GTF2I: variants seen among roughly 807,000 people sequenced by gnomAD.
GTF2I encodes general transcription factor II-I.
Under a neutral mutation model 67.6 loss-of-function variants are expected in GTF2I, and 12 were observed. That is an observed-to-expected ratio of 0.18 (90% CI 0.11 to 0.29). The LOEUF (loss-of-function observed/expected upper bound fraction) is 0.29. Ranked by LOEUF, GTF2I falls within the 10% of genes least tolerant of loss-of-function variation. The pLI is 1.00. For missense variants in GTF2I, 271 were observed against 580.1 expected (o/e 0.47, Z 5.47); for synonymous variants, 149 against 197.0 (o/e 0.76, Z 2.04).
intron 1 of GTF2I, among the ~76,000 whole-genome samples, chr7:74,670,295 T>G (rs1256993392): frequency 6.6e-6 from 1 of 152,182 alleles, no homozygotes; most frequent in Non-Finnish European, 1.5e-5. Context: ...CAGGGTCACC[T>G]GTAAGATTTG....
At chr7:74,735,682 TTC>T (rs1794811651) in intron 17 of GTF2I, 150 bp downstream of exon 17, 1 of 488,508 alleles carries the variant, frequency 2.0e-6, no homozygotes, top group Non-Finnish European at 3.7e-6. Flanking sequence ...TTTTTTTTTT[TTC>T]TTGAGAAGGA....
chr7:74,722,337 T>C (rs1793129173), intron 12 of GTF2I, among the ~76,000 whole-genome samples: 1 of 152,194 alleles, frequency 6.6e-6, no homozygotes, highest in Non-Finnish European at 1.5e-5. Context: ...TAGGACCGCA[T>C]GCCTCAGTTT....
At chr7:74,713,763 G>T (rs1413666799) in intron 9 of GTF2I, among the ~76,000 whole-genome samples, 1 of 152,078 alleles carries the variant, frequency 6.6e-6, no homozygotes, top group African/African-American at 2.4e-5. Context: ...CTTCACTAAG[G>T]TTGCATTTTT....
At chr7:74,707,530 A>C (rs1790901004) in intron 8 of GTF2I, among the ~76,000 whole-genome samples, 1 of 152,224 alleles carries the variant, frequency 6.6e-6, no homozygotes. Flanking sequence ...CATGTGAATG[A>C]GAGCTTTTAT....
intron 3 of GTF2I, among the ~76,000 whole-genome samples, chr7:74,698,318 T>C (rs896010183): frequency 2.0e-5 from 3 of 151,386 alleles, no homozygotes; most frequent in Non-Finnish European, 2.9e-5. Flanking sequence ...TCTCAATCTC[T>C]TGACCTTGTC....
rs587731472 is a variant in GTF2I at position 74,731,957 on chromosome 7, G to A, written c.1121-522G>A. On this transcript the variant is annotated intron_variant, in intron 14 of 34. Transcript: ENST00000573035. ...CTCTGGGGACACAGTGCCTTGCCAC[G>A]TCTCTTCTCCTGTCTGAGTCTTAGT... is the stretch of plus-strand genomic sequence containing the variant. Among the ~76,000 whole-genome samples, 5 of 151,274 alleles carry A rather than the reference G, an allele frequency of 3.3e-5. No individual in the cohort carries two copies. In the South Asian group the frequency reaches 6.2e-4, roughly 19 times the overall value.
chr7:74,674,624 T>C (rs941631047), intron 1 of GTF2I, among the ~76,000 whole-genome samples: 3 of 151,996 alleles, frequency 2.0e-5, no homozygotes, highest in African/African-American at 4.8e-5. Flanking sequence ...CTGTAACCTC[T>C]GCCTCCCGGT....
At chr7:74,664,212 G>A (rs1046058523) in intron 1 of GTF2I, among the ~76,000 whole-genome samples, 5 of 152,204 alleles carry the variant, frequency 3.3e-5, no homozygotes, top group African/African-American at 7.2e-5. Context: ...TTGCCCTGTC[G>A]TCCTTTACTG....
intron 9 of GTF2I, among the ~76,000 whole-genome samples, chr7:74,711,992 C>T (rs1483397166): frequency 6.6e-6 from 1 of 150,434 alleles, no homozygotes; most frequent in East Asian, 1.9e-4. Flanking sequence ...CTCTGTTGCC[C>T]AGGCTGGAGT....
chr7:74,716,886 C>T lies in GTF2I; in HGVS notation c.824-8C>T. On this transcript the variant is annotated splice_polypyrimidine_tract_variant and splice_region_variant and intron_variant, in intron 10 of 34. Transcript: ENST00000573035. ...TGGTTTATTATATGTTGTTTATTTT[C>T]TTTTTAGGAAGCCACCATTCTTCAG... 1 of 1,588,680 alleles carries T rather than the reference C, an allele frequency of 6.3e-7. No homozygotes were observed. The highest frequency in any genetic ancestry group is 8.6e-7 in the Non-Finnish European group (1 of 1,159,992).
chr7:74,705,138 C>T, intron 6 of GTF2I, 26 bp from the exon 7 acceptor site: 1 of 1,471,022 alleles, frequency 6.8e-7, no homozygotes, highest in Non-Finnish European at 9.5e-7. Context: ...GAAAAACTAA[C>T]TCCAATTTTT....
intron 1 of GTF2I, among the ~76,000 whole-genome samples, chr7:74,662,306 G>A (rs1804578370): frequency 6.7e-6 from 1 of 149,304 alleles, no homozygotes; most frequent in Non-Finnish European, 1.5e-5. Flanking sequence ...GCCCCCCCAG[G>A]GTCAAGTGAT....
At chr7:74,723,722 C>T (rs938773053) in intron 12 of GTF2I, among the ~76,000 whole-genome samples, 3 of 151,896 alleles carry the variant, frequency 2.0e-5, no homozygotes, top group African/African-American at 7.3e-5. Flanking sequence ...TGAACCACCG[C>T]GCCTGGCCAC....
At chr7:74,677,968 G>A (rs147125988) in intron 1 of GTF2I, among the ~76,000 whole-genome samples, 1 of 151,940 alleles carries the variant, frequency 6.6e-6, no homozygotes, top group East Asian at 1.9e-4. Flanking sequence ...CAGACTCACC[G>A]CTGTAGTCCA....
At chr7:74,677,592 G>A (rs1440126046) in intron 1 of GTF2I, among the ~76,000 whole-genome samples, 1 of 151,600 alleles carries the variant, frequency 6.6e-6, no homozygotes, top group East Asian at 1.9e-4. Context: ...GACCAGCCTG[G>A]CCAACATGCT....
At chr7:74,677,638 C>T (rs192987278) in intron 1 of GTF2I, among the ~76,000 whole-genome samples, 5 of 151,594 alleles carry the variant, frequency 3.3e-5, no homozygotes, top group Admixed American at 2.0e-4. Flanking sequence ...GAAAATTAGC[C>T]GGGCGTGGTG....
chr7:74,710,006 G>A (rs1584236071), intron 8 of GTF2I, among the ~76,000 whole-genome samples: 1 of 152,136 alleles, frequency 6.6e-6, no homozygotes, highest in East Asian at 1.9e-4. Flanking sequence ...TTTTACTGAT[G>A]GACATGAAAG....
chr7:74,711,436 A>AT (rs1392013951), intron 9 of GTF2I, among the ~76,000 whole-genome samples: 2 of 152,154 alleles, frequency 1.3e-5, no homozygotes, highest in Admixed American at 1.3e-4. Flanking sequence ...TGTCAGCTTA[A>AT]TTTTTTCTCA....
At chr7:74,664,713 A>G (rs1416450682) in intron 1 of GTF2I, among the ~76,000 whole-genome samples, 2 of 151,766 alleles carry the variant, frequency 1.3e-5, no homozygotes, top group African/African-American at 4.8e-5. Flanking sequence ...GATTACAGGC[A>G]TGAGCCACCA....
Sources: allele counts gnomAD v4.1 joint callset (sites outside exome capture counted in the v4.1 genomes callset), GRCh38; gene constraint gnomAD v4.1.1; transcripts MANE v1.5; gene names NCBI Gene and HGNC (gene_info 2026-07-23, HGNC 2026-07-21).